SLC16A7: variants seen among roughly 807,000 people sequenced by gnomAD.
SLC16A7 encodes the protein monocarboxylate transporter 2.
In SLC16A7, 33 loss-of-function variants were observed where a neutral mutation model predicts 34.9. That is an observed-to-expected ratio of 0.94 (90% CI 0.72 to 1.26). The LOEUF (loss-of-function observed/expected upper bound fraction) is 1.26, where lower values mean the gene tolerates loss of function less well. Ranked by LOEUF, SLC16A7 falls within the 50% of genes most tolerant of loss-of-function variation. The probability of loss-of-function intolerance (pLI) is 0.00; values close to 1 mark genes in which losing one functional copy is unlikely to be tolerated. For synonymous variants in SLC16A7, 201 were observed against 206.6 expected (o/e 0.97, Z 0.23); for missense variants, 573 against 578.1 (o/e 0.99, Z 0.09).
In SLC16A7 at chr12:59,723,882, T is replaced by A. The variant is rs1460961449; in HGVS notation, c.217+18864T>A. Among the ~76,000 whole-genome samples the A allele has an allele frequency of 2.0e-5, 3 of 152,124 alleles. No homozygotes were observed. The East Asian group carries it at 5.8e-4, about 29-fold the overall frequency. On this transcript the variant is annotated intron_variant, in intron 3 of 5. Coordinates refer to ENST00000547379, the MANE Select transcript of SLC16A7 (RefSeq NM_001270623.2). ...TTTTTTTGTTTCCATTGCCTTTTTT[T>A]CTTCCATGTGAGAAGTATATTCCCA...
rs4020154 is a variant in SLC16A7 at position 59,730,347 on chromosome 12, TA to T, written c.217+25344del. On this transcript the variant is annotated intron_variant, in intron 3 of 5. Transcript: ENST00000547379. ...TCTAAAAGGGTATGCTTCCTAAAAT[TA>T]AAAAAAAAAAAAAACAGACAACACA... 7.2e-3 allele frequency among the ~76,000 whole-genome samples: 1,039 copies of T among 143,990 alleles called. 5 individuals are homozygous for T. The highest frequency in any genetic ancestry group is 0.014 in the East Asian group (69 of 4,920). The allele number at this position is 143,990 out of a possible 152,430, so 94.5% of individuals were successfully genotyped here. A position where few individuals can be genotyped will look rare whatever the true frequency, so the allele number is the denominator to read the frequency against.
chr12:59,745,842 A>G (rs1455347578), intron 3 of SLC16A7, among the ~76,000 whole-genome samples: 2 of 152,224 alleles, frequency 1.3e-5, no homozygotes, highest in Non-Finnish European at 2.9e-5. Context: ...ATTCTGTATC[A>G]TCAGTGCCTA....
chr12:59,772,911 C>CTAAG (rs1882372911), intron 4 of SLC16A7, among the ~76,000 whole-genome samples: 1 of 151,870 alleles, frequency 6.6e-6, no homozygotes, highest in Non-Finnish European at 1.5e-5. Flanking sequence ...CTCAGGAAGT[C>CTAAG]TAAGTGTTTT....
intron 1 of SLC16A7, among the ~76,000 whole-genome samples, chr12:59,636,912 C>T (rs1880454443): frequency 6.6e-6 from 1 of 151,996 alleles, no homozygotes; most frequent in African/African-American, 2.4e-5. Flanking sequence ...TCCTGATTTC[C>T]CATAACTTAG....
intron 3 of SLC16A7, among the ~76,000 whole-genome samples, chr12:59,712,000 T>C (rs1874276226): frequency 6.6e-6 from 1 of 152,240 alleles, no homozygotes; most frequent in Admixed American, 6.5e-5. Context: ...TCAGCCTATT[T>C]GCCATTTTAC....
At chr12:59,620,123 G>A (rs996040106) in intron 1 of SLC16A7, among the ~76,000 whole-genome samples, 4 of 151,790 alleles carry the variant, frequency 2.6e-5, no homozygotes, top group African/African-American at 9.7e-5. Flanking sequence ...GTTCTGTGTT[G>A]ATACTGTGTG....
At chr12:59,678,236 G>A (rs1290233110) in intron 2 of SLC16A7, among the ~76,000 whole-genome samples, 2 of 152,166 alleles carry the variant, frequency 1.3e-5, no homozygotes, top group African/African-American at 2.4e-5. Flanking sequence ...GTGTGTTTTA[G>A]CCCTGTTTGT....
chr12:59,619,018 C>T (rs1240246400), intron 1 of SLC16A7, among the ~76,000 whole-genome samples: 1 of 151,978 alleles, frequency 6.6e-6, no homozygotes, highest in Non-Finnish European at 1.5e-5. Context: ...TATTTTATTT[C>T]TCAACTATTT....
intron 3 of SLC16A7, among the ~76,000 whole-genome samples, chr12:59,723,389 C>G (rs764498864): frequency 1.3e-5 from 2 of 151,644 alleles, no homozygotes; most frequent in Non-Finnish European, 2.9e-5. Context: ...TATTGATGTA[C>G]AAAGGTGACA....
chr12:59,687,269 C>A (rs938061920), intron 2 of SLC16A7, among the ~76,000 whole-genome samples: 1 of 151,832 alleles, frequency 6.6e-6, no homozygotes, highest in Non-Finnish European at 1.5e-5. Flanking sequence ...AACACCTACC[C>A]CTTTTCCTAT....
intron 2 of SLC16A7, among the ~76,000 whole-genome samples, chr12:59,681,548 A>G (rs1372663901): frequency 1.3e-5 from 2 of 152,094 alleles, no homozygotes; most frequent in African/African-American, 4.8e-5. Context: ...TTTTTTCCTA[A>G]CCAAATTATT....
At chr12:59,772,781 A>G (rs886875426) in intron 4 of SLC16A7, among the ~76,000 whole-genome samples, 2 of 152,172 alleles carry the variant, frequency 1.3e-5, no homozygotes, top group African/African-American at 4.8e-5. Context: ...AGTACCCAGA[A>G]TTTTGATGAT....
At chr12:59,678,549 G>A (rs922863565) in intron 2 of SLC16A7, among the ~76,000 whole-genome samples, 1 of 152,242 alleles carries the variant, frequency 6.6e-6, no homozygotes, top group South Asian at 2.1e-4. Context: ...ACTCTTCTAC[G>A]CAGGCAGGTT....
Position 59,712,271 on chromosome 12 carries a change from G to A in SLC16A7, c.217+7253G>A, listed in dbSNP as rs1565666110. Reference sequence around the variant, plus strand: ...ATAGTAAGTCTGACTCAAGCAATCTGTGCCAATAACATTTAAAAACGACTG... The same window carrying A: ...ATAGTAAGTCTGACTCAAGCAATCTATGCCAATAACATTTAAAAACGACTG... On this transcript the variant is annotated intron_variant, in intron 3 of 5. Coordinates refer to ENST00000547379, the MANE Select transcript of SLC16A7 (RefSeq NM_001270623.2). Among the ~76,000 whole-genome samples, 2 of 152,202 alleles carry A rather than the reference G, an allele frequency of 1.3e-5. 1 individual carries two copies. Among genetic ancestry groups the A allele is most frequent in the South Asian group, 4.1e-4 (2 of 4,836 alleles).
At chr12:59,771,154 T>C in intron 3 of SLC16A7, 65 bp from the exon 4 acceptor site, 1 of 1,482,432 alleles carries the variant, frequency 6.7e-7, no homozygotes, top group Non-Finnish European at 9.2e-7. Flanking sequence ...AATGATTGGA[T>C]GTTAAAGATA....
intron 1 of SLC16A7, among the ~76,000 whole-genome samples, chr12:59,601,094 A>G (rs1878661140): frequency 6.6e-6 from 1 of 152,258 alleles, no homozygotes; most frequent in Non-Finnish European, 1.5e-5. Context: ...AGTGGTGAAC[A>G]CAAATGAAAT....
chr12:59,717,578 C>G (rs971717394), intron 3 of SLC16A7, among the ~76,000 whole-genome samples: 5 of 152,078 alleles, frequency 3.3e-5, no homozygotes, highest in African/African-American at 1.2e-4. Flanking sequence ...AAGCTAGATA[C>G]AACTTTTCAA....
intron 1 of SLC16A7, among the ~76,000 whole-genome samples, chr12:59,653,705 T>C: frequency 6.6e-6 from 1 of 151,662 alleles, no homozygotes; most frequent in South Asian, 2.1e-4. Context: ...GGTCTACTTA[T>C]TATAGTTTTG....
At chr12:59,695,163 A>G (rs1245093006) in intron 2 of SLC16A7, among the ~76,000 whole-genome samples, 1 of 151,886 alleles carries the variant, frequency 6.6e-6, no homozygotes, top group East Asian at 1.9e-4. Flanking sequence ...AAGCACATAG[A>G]CTGAAAGATC....
Sources: allele counts gnomAD v4.1 joint callset (sites outside exome capture counted in the v4.1 genomes callset), GRCh38; gene constraint gnomAD v4.1.1; transcripts MANE v1.5; gene names NCBI Gene and HGNC (gene_info 2026-07-23, HGNC 2026-07-21).